GPHN: variants seen among roughly 807,000 people sequenced by gnomAD.
GPHN encodes gephyrin.
In GPHN, 17 loss-of-function variants were observed where a neutral mutation model predicts 95.5. That is an observed-to-expected ratio of 0.18 (90% CI 0.12 to 0.27). The LOEUF (loss-of-function observed/expected upper bound fraction) is 0.27, where lower values mean the gene tolerates loss of function less well. Among genes scored for constraint, GPHN ranks in the 10% least tolerant of loss-of-function variants. The pLI is 1.00. For synonymous variants in GPHN, 320 were observed against 322.5 expected, an observed-to-expected ratio of 0.99 and a Z score of 0.08; for missense variants, 660 against 978.1, an observed-to-expected ratio of 0.67 and a Z score of 4.34.
At chr14:66,701,320 A>G (rs1241975950) in intron 2 of GPHN, among the ~76,000 whole-genome samples, 1 of 152,218 alleles carries the variant, frequency 6.6e-6, no homozygotes, top group Non-Finnish European at 1.5e-5. Context: ...TAATAGCTGC[A>G]TAGCATCTTG....
intron 11 of GPHN, among the ~76,000 whole-genome samples, chr14:67,077,673 G>A (rs2153661094): frequency 6.6e-6 from 1 of 152,240 alleles, no homozygotes; most frequent in South Asian, 2.1e-4. Flanking sequence ...CCTTAGGCCA[G>A]TCATCTCAGT....
Position 66,683,804 on chromosome 14 carries a change from C to T in GPHN, c.143+2619C>T, listed in dbSNP as rs867340163. On this transcript the variant is annotated intron_variant, in intron 2 of 22. Coordinates refer to ENST00000478722, the MANE Select transcript of GPHN (RefSeq NM_020806.5). ...CATCCTGGCTAACACGGTGAAACCCCGTCTCCACTAAAAGTACAAAAAATT... is the reference window on the plus strand; with the variant it reads ...CATCCTGGCTAACACGGTGAAACCCTGTCTCCACTAAAAGTACAAAAAATT... 7.9e-5 allele frequency among the ~76,000 whole-genome samples: 12 copies of T among 151,372 alleles called. 1 individual carries two copies. Among genetic ancestry groups the T allele is most frequent in the Admixed American group, 5.9e-4 (9 of 15,136 alleles).
chr14:66,999,552 A>G (rs535036229), intron 9 of GPHN, among the ~76,000 whole-genome samples: 1 of 151,862 alleles, frequency 6.6e-6, no homozygotes, highest in African/African-American at 2.4e-5. Flanking sequence ...TCTGCCAGTT[A>G]TTTCTTGGCC....
intron 8 of GPHN, among the ~76,000 whole-genome samples, chr14:66,944,256 G>A (rs556102156): frequency 7.9e-5 from 12 of 152,270 alleles, no homozygotes; most frequent in South Asian, 6.2e-4. Context: ...AATCCAAGGC[G>A]GTTCATGGAG....
At chr14:67,121,450 C>G (rs1446691719) in intron 16 of GPHN, among the ~76,000 whole-genome samples, 2 of 152,080 alleles carry the variant, frequency 1.3e-5, no homozygotes, top group Non-Finnish European at 2.9e-5. Context: ...TGTTCATTAT[C>G]TCACTCCTAA....
chr14:67,335,009 A>C, the GPHN span: 1 of 152,184 alleles, frequency 6.6e-6, no homozygotes, highest in African/African-American at 2.4e-5. Context: ...TGCTGTAGAC[A>C]TTAGGCCTGC....
At chr14:67,730,189 T>C in the GPHN span, among the ~76,000 whole-genome samples, 2 of 152,190 alleles carry the variant, frequency 1.3e-5, no homozygotes, top group Non-Finnish European at 2.9e-5. Flanking sequence ...CACATGAAAC[T>C]GAGGCGCAAG....
chr14:67,057,129 CAGTGCAGCGGCAGGCTGAAGGGCTTA>C (rs1266579073), intron 10 of GPHN, among the ~76,000 whole-genome samples: 1 of 152,190 alleles, frequency 6.6e-6, no homozygotes, highest in African/African-American at 2.4e-5. Flanking sequence ...GGGGTTCCCA[CAGTGCAGCGGCAGGCTGAAGGGCTTA>C]AGTGCAGCCA....
intron 10 of GPHN, among the ~76,000 whole-genome samples, chr14:67,045,976 C>A (rs1185699625): frequency 6.6e-6 from 1 of 152,142 alleles, no homozygotes; most frequent in Non-Finnish European, 1.5e-5. Context: ...GGTTTCTGGA[C>A]TTGGATACCT....
rs879976033 is a variant in GPHN at position 67,144,252 on chromosome 14, T to C, written c.1836+803T>C. 8.9e-5 allele frequency among the ~76,000 whole-genome samples: 4 copies of C among 44,738 alleles called. 1 individual carries two copies. The South Asian group carries it at 3.0e-3, about 34-fold the overall frequency. The allele number at this position is 44,738 out of a possible 152,430, so 29.3% of individuals were successfully genotyped here. A position where few individuals can be genotyped will look rare whatever the true frequency, so the allele number is the denominator to read the frequency against. ...ACCCTGTCTTAAAAAAAAAAAAAAA[T>C]ATATATATATATATATATATATATA... On this transcript the variant is annotated intron_variant, in intron 18 of 22. Transcript: ENST00000478722.
At chr14:66,727,764 A>T (rs1260037818) in intron 2 of GPHN, among the ~76,000 whole-genome samples, 2 of 152,218 alleles carry the variant, frequency 1.3e-5, no homozygotes, top group East Asian at 3.9e-4. Context: ...AACAGAACAT[A>T]AAAGTTTGGA....
At chr14:67,382,488 A>G in the GPHN span, 1 of 1,613,650 alleles carries the variant, frequency 6.2e-7, no homozygotes, top group Non-Finnish European at 8.5e-7. Context: ...TGACTACGAC[A>G]ACCCTGGAGA....
chr14:67,131,491 A>AC (rs1349505843), intron 17 of GPHN, among the ~76,000 whole-genome samples: 1 of 152,170 alleles, frequency 6.6e-6, no homozygotes, highest in Non-Finnish European at 1.5e-5. Context: ...GAAGAATCTT[A>AC]CAGGGCCCCT....
chr14:67,639,706 C>T, the GPHN span, among the ~76,000 whole-genome samples: 4 of 151,836 alleles, frequency 2.6e-5, no homozygotes, highest in South Asian at 2.1e-4. Flanking sequence ...GGATCACTTG[C>T]GGTCAGGAGT....
the GPHN span, chr14:67,729,312 G>A: frequency 9.4e-6 from 15 of 1,600,908 alleles, no homozygotes; most frequent in Admixed American, 1.7e-5. Flanking sequence ...CGGCACGGGA[G>A]GGGGCGCAGA....
chr14:67,200,101 C>A, the GPHN span: 1 of 1,031,308 alleles, frequency 9.7e-7, no homozygotes, highest in Admixed American at 2.3e-5. Context: ...TGGACCTCCT[C>A]CAATGGGCAT....
At chr14:67,085,016 G>C (rs1483893572) in intron 11 of GPHN, among the ~76,000 whole-genome samples, 1 of 152,230 alleles carries the variant, frequency 6.6e-6, no homozygotes, top group Non-Finnish European at 1.5e-5. Context: ...AATAGGATAT[G>C]TTTATTAATT....
chr14:67,343,503 C>T, the GPHN span: 2 of 1,152,590 alleles, frequency 1.7e-6, no homozygotes, highest in East Asian at 2.4e-5. Flanking sequence ...GATCACTTGA[C>T]TCCACTAAGA....
At chr14:67,080,684 T>G (rs1235995814) in intron 11 of GPHN, among the ~76,000 whole-genome samples, 1 of 152,118 alleles carries the variant, frequency 6.6e-6, no homozygotes, top group Non-Finnish European at 1.5e-5. Flanking sequence ...AGTGGTGATT[T>G]GTGAGATTCT....
Sources: allele counts gnomAD v4.1 joint callset (sites outside exome capture counted in the v4.1 genomes callset), GRCh38; gene constraint gnomAD v4.1.1; transcripts MANE v1.5; gene names NCBI Gene and HGNC (gene_info 2026-07-23, HGNC 2026-07-21).